PRKX: variants seen among roughly 807,000 people sequenced by gnomAD.
The protein encoded by PRKX is protein kinase cAMP-dependent X-linked catalytic subunit, also known as cAMP-dependent protein kinase catalytic subunit PRKX.
A neutral mutation model predicts 22.0 loss-of-function variants in PRKX; 12 were observed. That is an observed-to-expected ratio of 0.54 (90% CI 0.35 to 0.88). The LOEUF (loss-of-function observed/expected upper bound fraction) is 0.88. PRKX is among the 40% of genes least tolerant of loss of function. PRKX has a pLI of 0.01. For synonymous variants in PRKX, 134 were observed against 137.7 expected (o/e 0.97, Z 0.19); for missense variants, 217 against 308.0 (o/e 0.70, Z 2.21).
chrX:3,659,836 C>T (rs1467266807), intron 2 of PRKX, among the ~76,000 whole-genome samples: 2 of 108,348 alleles, frequency 1.8e-5, no homozygotes, highest in African/African-American at 3.4e-5. Flanking sequence ...GTGATTCTCC[C>T]GCCTCAGCCT....
chrX:3,606,236 ATTGT>A lies in PRKX; in HGVS notation c.*2729_*2732del, dbSNP rs1180738497. ...ATTTTCCTCCACATTTTGCGCAGTG[ATTGT>A]TTGTCATGATCATCCATACGGACAT... On this transcript the variant is annotated 3_prime_UTR_variant, in exon 9 of 9. Coordinates refer to ENST00000262848, the MANE Select transcript of PRKX (RefSeq NM_005044.5). The A allele has an allele frequency of 1.1e-4, 12 of 111,978 alleles. No homozygotes were observed. The highest frequency in any genetic ancestry group is 1.9e-4 in the Non-Finnish European group (10 of 53,284). 9.2% of individuals were successfully genotyped at this position (111,978 alleles called of 1,213,427 possible). A position where few individuals can be genotyped will look rare whatever the true frequency, so the allele number is the denominator to read the frequency against.
intron 1 of PRKX, among the ~76,000 whole-genome samples, chrX:3,700,801 G>A (rs1202830359): frequency 2.7e-5 from 3 of 110,058 alleles, no homozygotes; most frequent in Non-Finnish European, 3.8e-5. Flanking sequence ...CCATGTTGCC[G>A]AGGCTAGAGG....
At chrX:3,631,386 A>G (rs1271361666) in intron 4 of PRKX, among the ~76,000 whole-genome samples, 1 of 112,736 alleles carries the variant, frequency 8.9e-6, no homozygotes, top group Non-Finnish European at 1.9e-5. Context: ...CACAGAGGAG[A>G]AGGCCACATG....
intron 3 of PRKX, among the ~76,000 whole-genome samples, chrX:3,654,927 A>G (rs1927447070): frequency 9.0e-6 from 1 of 111,489 alleles, no homozygotes. Context: ...GTGCCAGTGA[A>G]GGAGACTGAC....
At position 3,677,339 on chromosome X, in the gene PRKX, T is replaced by C. The variant is rs1444520189; in HGVS notation, c.167-2573A>G. ...TATATTGTTTTGTCTTTTTTTTTTT[T>C]TTTTTTTGAGACAGGGTCTCTCTCT... On this transcript the variant is annotated intron_variant, in intron 1 of 8. Transcript: ENST00000262848. Among the ~76,000 whole-genome samples the C allele has an allele frequency of 8.5e-5, 9 of 105,332 alleles. No individual in the cohort carries two copies. In the East Asian group the frequency reaches 1.2e-3, roughly 14 times the overall value. 91.5% of individuals were successfully genotyped at this position (105,332 alleles called of 115,157 possible).
intron 1 of PRKX, among the ~76,000 whole-genome samples, chrX:3,684,549 T>C (rs959882000): frequency 1.8e-5 from 2 of 111,173 alleles, no homozygotes; most frequent in African/African-American, 6.6e-5. Context: ...TGGGAAAGGG[T>C]TTCAGGGCTC....
intron 1 of PRKX, among the ~76,000 whole-genome samples, chrX:3,707,519 G>A (rs1052462888): frequency 2.7e-5 from 3 of 111,544 alleles, no homozygotes; most frequent in Non-Finnish European, 5.6e-5. Flanking sequence ...TGTGCCAGCA[G>A]CGGAGGCAGG....
At chrX:3,691,300 G>A (rs749313963) in intron 1 of PRKX, among the ~76,000 whole-genome samples, 2 of 111,332 alleles carry the variant, frequency 1.8e-5, no homozygotes, top group Non-Finnish European at 3.8e-5. Flanking sequence ...TGACTTTACA[G>A]CTGCACTAGG....
chrX:3,701,623 G>A (rs1928575359), intron 1 of PRKX, among the ~76,000 whole-genome samples: 1 of 112,334 alleles, frequency 8.9e-6, no homozygotes, highest in African/African-American at 3.2e-5. Flanking sequence ...AAGAGGAGCT[G>A]GGTAAAATGA....
intron 2 of PRKX, among the ~76,000 whole-genome samples, chrX:3,671,171 G>A: frequency 9.0e-6 from 1 of 111,385 alleles, no homozygotes; most frequent in Middle Eastern, 4.6e-3. Flanking sequence ...CAAGTAGCTG[G>A]GTTATAGACG....
At chrX:3,626,016 ACT>A (rs1385161926) in intron 5 of PRKX, among the ~76,000 whole-genome samples, 1 of 112,454 alleles carries the variant, frequency 8.9e-6, no homozygotes, top group Non-Finnish European at 1.9e-5. Flanking sequence ...GTTAAAAAGG[ACT>A]TAGAGGTTGA....
At chrX:3,626,371 C>T (rs1171704198) in intron 5 of PRKX, 48 bp downstream of exon 5, 4 of 1,021,239 alleles carry the variant, frequency 3.9e-6, no homozygotes, top group Admixed American at 4.7e-5. Context: ...TGATTTTAGA[C>T]ACTTTAAAAA....
intron 2 of PRKX, among the ~76,000 whole-genome samples, chrX:3,664,998 C>T (rs990817840): frequency 4.4e-5 from 5 of 112,418 alleles, no homozygotes; most frequent in Non-Finnish European, 7.5e-5. Flanking sequence ...ACAACTTCTC[C>T]TCCTCAAAAT....
intron 1 of PRKX, among the ~76,000 whole-genome samples, chrX:3,689,926 G>C (rs749100797): frequency 9.0e-6 from 1 of 110,949 alleles, no homozygotes; most frequent in Non-Finnish European, 1.9e-5. Flanking sequence ...GCAGTGAGCC[G>C]AGATGGCACC....
chrX:3,627,258 C>T (rs182393637), intron 4 of PRKX, among the ~76,000 whole-genome samples: 20 of 108,624 alleles, frequency 1.8e-4, no homozygotes, highest in Admixed American at 4.0e-4. Flanking sequence ...GGCACGCGTC[C>T]GTAATCCCAG....
At chrX:3,697,268 C>T (rs943042672) in intron 1 of PRKX, among the ~76,000 whole-genome samples, 2 of 109,685 alleles carry the variant, frequency 1.8e-5, no homozygotes, top group Middle Eastern at 4.9e-3. Flanking sequence ...CGGGAAGGCG[C>T]GGCACGAGGA....
chrX:3,682,195 A>G (rs1489383497), intron 1 of PRKX, among the ~76,000 whole-genome samples: 1 of 110,353 alleles, frequency 9.1e-6, no homozygotes, highest in Admixed American at 9.8e-5. Context: ...AGATTCACGG[A>G]TGATCTCAGA....
rs971740608 is a variant in PRKX at position 3,663,795 on chromosome X, G to A, written c.336-8383C>T. Among the ~76,000 whole-genome samples the A allele has an allele frequency of 9.0e-5, 10 of 111,035 alleles. No homozygotes were observed. The South Asian group carries it at 1.1e-3, about 13-fold the overall frequency. On this transcript the variant is annotated intron_variant, in intron 2 of 8. Coordinates refer to ENST00000262848, the MANE Select transcript of PRKX (RefSeq NM_005044.5). ...AATGAGGAACTGATTAGGGCTGAGG[G>A]GCAAGGAGGAAGAGCAGGAACTCAT...
In PRKX at chrX:3,640,942, G is replaced by A. The variant is rs373216947; in HGVS notation, c.719+910C>T. Among the ~76,000 whole-genome samples the A allele has an allele frequency of 2.4e-3, 270 of 111,111 alleles. 2 individuals carry two copies. Among genetic ancestry groups the A allele is most frequent in the African/African-American group, 7.9e-3 (241 of 30,445 alleles). The stretch of plus-strand genomic sequence containing the variant: ...TCCCACAAGGGCCATGACAGTTTAC[G>A]AATGCCATGACAAGGTCAGGATGTT... On this transcript the variant is annotated intron_variant, in intron 4 of 8. Transcript: ENST00000262848.
Sources: allele counts gnomAD v4.1 joint callset (sites outside exome capture counted in the v4.1 genomes callset), GRCh38; gene constraint gnomAD v4.1.1; transcripts MANE v1.5; gene names NCBI Gene and HGNC (gene_info 2026-07-23, HGNC 2026-07-21).